The following PDE11A variants were observed in gnomAD, a reference collection of about 807,000 sequenced individuals.
The protein encoded by PDE11A is phosphodiesterase 11A.
Under a neutral mutation model 100.5 loss-of-function variants are expected in PDE11A, and 100 were observed. The observed-to-expected ratio is 1.00, with a 90% CI of 0.85 to 1.18. The LOEUF is 1.18. PDE11A is among the 50% of genes most tolerant of loss of function. The pLI is 0.00. For synonymous variants in PDE11A, 381 were observed against 420.8 expected, an observed-to-expected ratio of 0.91 and a Z score of 1.16; for missense variants, 1,141 against 1,152.6, an observed-to-expected ratio of 0.99 and a Z score of 0.15.
chr2:177,706,082 A>G (rs1190570364), intron 13 of PDE11A, among the ~76,000 whole-genome samples: 1 of 152,144 alleles, frequency 6.6e-6, no homozygotes, highest in Non-Finnish European at 1.5e-5. Flanking sequence ...CATTGTATGC[A>G]CTCCAATACT....
intron 2 of PDE11A, among the ~76,000 whole-genome samples, chr2:177,926,198 C>A (rs899502266): frequency 6.6e-6 from 1 of 152,106 alleles, no homozygotes; most frequent in African/African-American, 2.4e-5. Context: ...TCAATATATG[C>A]TTTAAGCTAA....
At chr2:177,719,726 T>G (rs1475192781) in intron 12 of PDE11A, among the ~76,000 whole-genome samples, 2 of 152,150 alleles carry the variant, frequency 1.3e-5, no homozygotes, top group African/African-American at 4.8e-5. Context: ...TTCTGGTATT[T>G]TAAAATTTCT....
chr2:177,922,049 T>A (rs1413184380), intron 2 of PDE11A: 5 of 152,208 alleles, frequency 3.3e-5, no homozygotes, highest in Admixed American at 2.6e-4. Flanking sequence ...CTCACGTTCC[T>A]TTGCAGAATG....
At chr2:177,727,004 T>A (rs1457072183) in intron 12 of PDE11A, among the ~76,000 whole-genome samples, 1 of 152,122 alleles carries the variant, frequency 6.6e-6, no homozygotes, top group African/African-American at 2.4e-5. Context: ...CCAGAAGAAG[T>A]AAATAGAGGA....
At chr2:178,080,481 C>A (rs1360957183) in intron 2 of PDE11A, among the ~76,000 whole-genome samples, 1 of 152,062 alleles carries the variant, frequency 6.6e-6, no homozygotes, top group Non-Finnish European at 1.5e-5. Context: ...TTTCTGAGTT[C>A]TCTATTCTGT....
At position 178,071,887 on chromosome 2, in the gene PDE11A, C is replaced by T. The variant is rs6433711; in HGVS notation, c.551G>A (p.Arg184Gln). Reference protein sequence around the residue: ...ALLESRVNLPRYPPTAIDYKC... With the variant: ...ALLESRVNLPQYPPTAIDYKC... The stretch of plus-strand genomic sequence containing the variant: ...GTAGTCGATGGCTGTAGGGGGATAC[C>T]GAGGCAGATTCACTCTCGATTCCAG... Residue 184 changes from arginine (R) to glutamine (Q), a missense_variant, in exon 1 of 20, where the codon CGG becomes CAG. Coordinates refer to ENST00000286063, the MANE Select transcript of PDE11A (RefSeq NM_016953.4). The T allele has an allele frequency of 1, 1,611,615 of 1,613,952 alleles. 804,661 individuals are homozygous for T. The highest frequency in any genetic ancestry group is 1 in the South Asian group (91,064 of 91,074).
At chr2:177,916,653 C>T (rs1361395625) in intron 2 of PDE11A, among the ~76,000 whole-genome samples, 1 of 152,224 alleles carries the variant, frequency 6.6e-6, no homozygotes, top group African/African-American at 2.4e-5. Context: ...AAAGTGGGCT[C>T]TCTAGTGCTG....
At chr2:177,702,327 A>C (rs2081210119) in intron 13 of PDE11A, among the ~76,000 whole-genome samples, 2 of 152,050 alleles carry the variant, frequency 1.3e-5, no homozygotes, top group African/African-American at 4.8e-5. Flanking sequence ...AAAAAAAAAA[A>C]AAGTTCAAAA....
chr2:177,918,126 G>A (rs1030347098), intron 2 of PDE11A, among the ~76,000 whole-genome samples: 2 of 152,194 alleles, frequency 1.3e-5, no homozygotes, highest in African/African-American at 4.8e-5. Flanking sequence ...ACTTTGTGAA[G>A]GGCCAATCAT....
intron 13 of PDE11A, chr2:177,702,708 A>C (rs953351950): frequency 1.3e-5 from 2 of 152,076 alleles, no homozygotes; most frequent in Non-Finnish European, 2.9e-5. Flanking sequence ...GACTCCCCCA[A>C]TTCTTCTCCC....
rs576314383 is a variant in PDE11A, at chr2:178,014,288, G to T, written c.1071+14C>A. The T allele has an allele frequency of 2.5e-6, 4 of 1,591,036 alleles. No homozygotes were observed. The highest frequency in any genetic ancestry group is 3.3e-5 in the Admixed American group (2 of 59,966). ...AGAAGAAAAGTACAACTCACAAAAG[G>T]CATGAAATCTTACTTTTTCATCATC... On this transcript the variant is annotated intron_variant, in intron 2 of 19. Transcript: ENST00000286063.
chr2:177,661,869 A>T (rs2105476045), intron 19 of PDE11A, among the ~76,000 whole-genome samples: 1 of 152,322 alleles, frequency 6.6e-6, no homozygotes, highest in East Asian at 1.9e-4. Flanking sequence ...TCAGAGGTGA[A>T]GTAGGGCATT....
At chr2:178,105,989 C>T (rs2087613031) in intron 1 of PDE11A, among the ~76,000 whole-genome samples, 1 of 152,272 alleles carries the variant, frequency 6.6e-6, no homozygotes, top group Non-Finnish European at 1.5e-5. Flanking sequence ...CAAAGAATTA[C>T]TACTACAGAC....
intron 2 of PDE11A, among the ~76,000 whole-genome samples, chr2:177,917,947 G>A (rs528273758): frequency 6.6e-6 from 1 of 152,282 alleles, no homozygotes; most frequent in South Asian, 2.1e-4. Flanking sequence ...TTTAATTAAT[G>A]TAATAGTACC....
intron 2 of PDE11A, among the ~76,000 whole-genome samples, chr2:177,945,673 A>T (rs1352122524): frequency 3.4e-5 from 5 of 146,104 alleles, no homozygotes; most frequent in Admixed American, 3.4e-4. Context: ...CAGCCACCCC[A>T]TCTGGGAGGT....
intron 15 of PDE11A, among the ~76,000 whole-genome samples, chr2:177,682,768 T>C (rs2080883776): frequency 6.6e-6 from 1 of 152,208 alleles, no homozygotes; most frequent in Non-Finnish European, 1.5e-5. Context: ...GCCCTTAATA[T>C]ACCTCTCTTG....
intron 10 of PDE11A, among the ~76,000 whole-genome samples, chr2:177,765,443 T>C (rs1323545626): frequency 6.6e-6 from 1 of 152,240 alleles, no homozygotes; most frequent in Non-Finnish European, 1.5e-5. Flanking sequence ...CCATCTCTCC[T>C]ACTTATTTTT....
chr2:177,928,205 G>C (rs1170792891), intron 2 of PDE11A, among the ~76,000 whole-genome samples: 1 of 151,066 alleles, frequency 6.6e-6, no homozygotes, highest in Non-Finnish European at 1.5e-5. Context: ...TCACTTGACA[G>C]AATGTAAAGA....
chr2:177,829,513 G>T (rs892926884), intron 6 of PDE11A, among the ~76,000 whole-genome samples: 13 of 151,754 alleles, frequency 8.6e-5, no homozygotes, highest in African/African-American at 3.2e-4. Flanking sequence ...GCATGATCTC[G>T]GCTCACTGCA....
Sources: allele counts gnomAD v4.1 joint callset (sites outside exome capture counted in the v4.1 genomes callset), GRCh38; gene constraint gnomAD v4.1.1; transcripts MANE v1.5; gene names NCBI Gene and HGNC (gene_info 2026-07-23, HGNC 2026-07-21).